Variants in TNFSF4 observed in about 807,000 individuals in gnomAD.
The protein encoded by TNFSF4 is tumor necrosis factor ligand superfamily member 4.
In TNFSF4, 4 loss-of-function variants were observed where a neutral mutation model predicts 7.3. The observed-to-expected ratio is 0.55, with a 90% confidence interval of 0.27 to 1.25. The LOEUF (loss-of-function observed/expected upper bound fraction) is 1.25. TNFSF4 is among the 50% of genes most tolerant of loss of function. The pLI is 0.12. For missense variants in TNFSF4, 181 were observed against 208.8 expected, an observed-to-expected ratio of 0.87 and a Z score of 0.82; for synonymous variants, 76 against 83.7, an observed-to-expected ratio of 0.91 and a Z score of 0.50.
the TNFSF4 span, among the ~76,000 whole-genome samples, chr1:173,292,676 A>C: frequency 1.3e-5 from 2 of 152,042 alleles, no homozygotes; most frequent in Admixed American, 1.3e-4. Context: ...AATAAAAGGC[A>C]TCCAAACAGG....
chr1:173,377,203 G>C, the TNFSF4 span, among the ~76,000 whole-genome samples: 3 of 152,160 alleles, frequency 2.0e-5, no homozygotes, highest in Non-Finnish European at 4.4e-5. Flanking sequence ...CAATCACCAA[G>C]CGGTGAGTAC....
At chr1:173,358,427 A>T in the TNFSF4 span, among the ~76,000 whole-genome samples, 1 of 152,264 alleles carries the variant, frequency 6.6e-6, no homozygotes, top group Non-Finnish European at 1.5e-5. Context: ...ATTGTCTGCA[A>T]GGAAGTGGAG....
chr1:173,355,662 C>T, the TNFSF4 span, among the ~76,000 whole-genome samples: 3 of 152,314 alleles, frequency 2.0e-5, no homozygotes, highest in Non-Finnish European at 2.9e-5. Flanking sequence ...AAGTGCAGAA[C>T]GCCCCCTCTT....
At chr1:173,356,912 C>T in the TNFSF4 span, among the ~76,000 whole-genome samples, 3 of 152,142 alleles carry the variant, frequency 2.0e-5, no homozygotes, top group Admixed American at 6.5e-5. Flanking sequence ...ACCTGCATTG[C>T]CATGGGTGTG....
intron 1 of TNFSF4, among the ~76,000 whole-genome samples, chr1:173,197,243 C>T (rs1008861559): frequency 6.6e-6 from 1 of 152,212 alleles, no homozygotes; most frequent in Non-Finnish European, 1.5e-5. Flanking sequence ...TAAATTAGTT[C>T]AACCATTGTA....
chr1:173,179,008 C>G (rs918477332), downstream of TNFSF4, among the ~76,000 whole-genome samples: 1 of 152,178 alleles, frequency 6.6e-6, no homozygotes, highest in Non-Finnish European at 1.5e-5. Context: ...GAATCTGGAA[C>G]TAGCAAGGAG....
chr1:173,208,479 TGTAAA>T (rs1557888499), upstream of TNFSF4, among the ~76,000 whole-genome samples: 3 of 152,302 alleles, frequency 2.0e-5, no homozygotes. Flanking sequence ...TTGTGGGAAA[TGTAAA>T]GTACATTTAT....
At chr1:173,440,849 G>T in the TNFSF4 span, 4 of 152,082 alleles carry the variant, frequency 2.6e-5, no homozygotes, top group Non-Finnish European at 5.9e-5. Context: ...AATCTGTAAG[G>T]TTTAAAATCC....
chr1:173,227,360 A>T, the TNFSF4 span, among the ~76,000 whole-genome samples: 2 of 152,088 alleles, frequency 1.3e-5, no homozygotes, highest in African/African-American at 4.8e-5. Context: ...TTTGATCACC[A>T]TTTCTTCTTG....
At chr1:173,243,125 C>G in the TNFSF4 span, among the ~76,000 whole-genome samples, 1 of 150,808 alleles carries the variant, frequency 6.6e-6, no homozygotes, top group Non-Finnish European at 1.5e-5. Context: ...GCCCCAGGAT[C>G]AAATAGACCT....
chr1:173,284,080 C>T, the TNFSF4 span, among the ~76,000 whole-genome samples: 2 of 152,094 alleles, frequency 1.3e-5, no homozygotes, highest in African/African-American at 4.8e-5. Context: ...TTTCTTAAGC[C>T]AATGCCTAAT....
the TNFSF4 span, among the ~76,000 whole-genome samples, chr1:173,317,362 A>C: frequency 1.3e-5 from 2 of 152,196 alleles, no homozygotes; most frequent in South Asian, 2.1e-4. Flanking sequence ...TTGATTACTC[A>C]ATACGCTTCT....
chr1:173,259,430 C>G, the TNFSF4 span, among the ~76,000 whole-genome samples: 1 of 152,192 alleles, frequency 6.6e-6, no homozygotes, highest in African/African-American at 2.4e-5. Flanking sequence ...GCCAGAGTGC[C>G]TCTTCTCCTC....
the TNFSF4 span, among the ~76,000 whole-genome samples, chr1:173,295,161 T>C: frequency 6.6e-6 from 1 of 151,998 alleles, no homozygotes; most frequent in South Asian, 2.1e-4. Flanking sequence ...GATACAACCC[T>C]TTTTTAAAAT....
chr1:173,180,416 C>T (rs1192633088), downstream of TNFSF4, among the ~76,000 whole-genome samples: 2 of 152,090 alleles, frequency 1.3e-5, no homozygotes, highest in South Asian at 2.1e-4. Context: ...GAAATTCAAT[C>T]GGTATCTGTG....
the TNFSF4 span, among the ~76,000 whole-genome samples, chr1:173,430,906 TA>T: frequency 6.6e-6 from 1 of 152,210 alleles, no homozygotes; most frequent in Admixed American, 6.5e-5. Flanking sequence ...TAATTGGTAA[TA>T]AAACCCAGGC....
chr1:173,304,535 G>T, the TNFSF4 span, among the ~76,000 whole-genome samples: 2 of 151,964 alleles, frequency 1.3e-5, no homozygotes, highest in Non-Finnish European at 2.9e-5. Flanking sequence ...AAATGATTCT[G>T]GGCCTTAATA....
the TNFSF4 span, among the ~76,000 whole-genome samples, chr1:173,299,725 T>G: frequency 6.6e-6 from 1 of 151,994 alleles, no homozygotes; most frequent in Non-Finnish European, 1.5e-5. Flanking sequence ...CAATCTAAAT[T>G]TGTAATCATG....
the TNFSF4 span, chr1:173,417,922 C>T: frequency 1.6e-5 from 2 of 127,120 alleles, no homozygotes; most frequent in Admixed American, 1.9e-4. Context: ...GGGAGGGAAG[C>T]ACTTTTTTTT....
Sources: allele counts gnomAD v4.1 joint callset (sites outside exome capture counted in the v4.1 genomes callset), GRCh38; gene constraint gnomAD v4.1.1; transcripts MANE v1.5; gene names NCBI Gene and HGNC (gene_info 2026-07-23, HGNC 2026-07-21).